Variants in TRHR observed in about 807,000 individuals in gnomAD.
The protein encoded by TRHR is thyrotropin releasing hormone receptor, also known as thyrotropin-releasing hormone receptor.
In TRHR, 14 loss-of-function variants were observed where a neutral mutation model predicts 28.0. The observed-to-expected ratio is 0.50, with a 90% CI of 0.33 to 0.78. The LOEUF (loss-of-function observed/expected upper bound fraction) is 0.78, where lower values mean the gene tolerates loss of function less well. Ranked by LOEUF, TRHR falls within the 30% of genes least tolerant of loss-of-function variation. The pLI, the probability that TRHR is intolerant of heterozygous loss-of-function variation, is 0.02. For synonymous variants in TRHR, 176 were observed against 171.9 expected, an observed-to-expected ratio of 1.02 and a Z score of -0.18; for missense variants, 438 against 469.5, an observed-to-expected ratio of 0.93 and a Z score of 0.62.
chr8:109,093,625 C>T (rs893975766), intron 2 of TRHR, among the ~76,000 whole-genome samples: 2 of 151,656 alleles, frequency 1.3e-5, no homozygotes, highest in African/African-American at 4.8e-5. Flanking sequence ...AGGATAGTCT[C>T]GATCTCCTGA....
At chr8:109,096,325 C>T (rs979093283) in intron 2 of TRHR, among the ~76,000 whole-genome samples, 6 of 152,202 alleles carry the variant, frequency 3.9e-5, no homozygotes, top group Non-Finnish European at 8.8e-5. Flanking sequence ...CTGAATTTCT[C>T]AGGTAGATTT....
chr8:109,100,284 AC>A (rs1811658562), intron 2 of TRHR, among the ~76,000 whole-genome samples: 1 of 152,190 alleles, frequency 6.6e-6, no homozygotes, highest in South Asian at 2.1e-4. Flanking sequence ...GAAATATTTA[AC>A]TAGAGATTAT....
chr8:109,105,570 TA>T (rs892945688), intron 2 of TRHR, among the ~76,000 whole-genome samples: 1 of 151,976 alleles, frequency 6.6e-6, no homozygotes, highest in East Asian at 1.9e-4. Context: ...AAACATGGAA[TA>T]AAAAACAAAT....
At chr8:109,110,864 A>G (rs1272163803) in intron 2 of TRHR, among the ~76,000 whole-genome samples, 1 of 152,086 alleles carries the variant, frequency 6.6e-6, no homozygotes, top group African/African-American at 2.4e-5. Flanking sequence ...TCTTTTAAAA[A>G]CTGAATGTCA....
At chr8:109,115,897 G>A (rs1229310094) in intron 2 of TRHR, among the ~76,000 whole-genome samples, 3 of 152,084 alleles carry the variant, frequency 2.0e-5, no homozygotes, top group Admixed American at 6.6e-5. Flanking sequence ...TTTTCAGAGG[G>A]AATGCTTCCA....
intron 2 of TRHR, among the ~76,000 whole-genome samples, chr8:109,099,042 G>C (rs576600200): frequency 2.8e-4 from 43 of 152,184 alleles, no homozygotes; most frequent in Non-Finnish European, 5.0e-4. Flanking sequence ...AGTAAAGCCT[G>C]GATATACAGG....
In TRHR at chr8:109,119,543, G is replaced by A; in HGVS notation, c.*88G>A. On this transcript the variant is annotated 3_prime_UTR_variant, in exon 3 of 3. Transcript: ENST00000518632. ...GGGAGAACATGGCCAATAGTCATAT[G>A]TGAAGACAGAGCAGATCAGTCTTTG... is the stretch of plus-strand genomic sequence containing the variant. 6.7e-7 allele frequency: 1 copy of A among 1,485,212 alleles called. No homozygotes were observed. The highest frequency in any genetic ancestry group is 9.2e-7 in the Non-Finnish European group (1 of 1,083,458). 92.0% of individuals were successfully genotyped at this position (1,485,212 alleles called of 1,614,324 possible).
chr8:109,087,823 T>C lies in TRHR; in HGVS notation c.311T>C (p.Leu104Pro). Residue 104 changes from leucine (L) to proline (P), a missense_variant, in exon 2 of 3, where the codon CTC (leucine) becomes CCC (proline). By Grantham distance (98) the Leu-to-Pro change is moderately conservative (BLOSUM62 -3). Coordinates refer to ENST00000518632, the MANE Select transcript of TRHR (RefSeq NM_003301.7). The stretch of plus-strand genomic sequence containing the variant: ...GTTGGATGCCTCTGCATTACTTACC[T>C]CCAGTATTTGGGAATTAATGCATCC... ...GYVGCLCITY[L>P]QYLGINASSC... The C allele has an allele frequency of 6.2e-7, 1 of 1,614,140 alleles. No homozygotes were observed. The highest frequency in any genetic ancestry group is 8.5e-7 in the Non-Finnish European group (1 of 1,180,030).
chr8:109,093,757 A>G (rs1041616138), intron 2 of TRHR, among the ~76,000 whole-genome samples: 4 of 151,782 alleles, frequency 2.6e-5, no homozygotes, highest in African/African-American at 9.7e-5. Context: ...GTTTAATTAA[A>G]TTTGGGGAAG....
chr8:109,092,801 T>A (rs1811535655), intron 2 of TRHR, among the ~76,000 whole-genome samples: 1 of 151,452 alleles, frequency 6.6e-6, no homozygotes, highest in South Asian at 2.1e-4. Context: ...ACAATGATGC[T>A]ATAAAAGCAG....
chr8:109,091,981 A>G (rs1298612022), intron 2 of TRHR, among the ~76,000 whole-genome samples: 1 of 152,220 alleles, frequency 6.6e-6, no homozygotes, highest in Non-Finnish European at 1.5e-5. Flanking sequence ...ATGTAGATAC[A>G]ATATCTCTAT....
In TRHR at chr8:109,086,679, T is replaced by G. The variant is rs1405171154; in HGVS notation, c.-293T>G. 1 of 153,862 alleles carries G rather than the reference T, an allele frequency of 6.5e-6. No individual in the cohort carries two copies. The highest frequency in any genetic ancestry group is 1.4e-5 in the Non-Finnish European group (1 of 69,342). The allele number at this position is 153,862 out of a possible 1,614,324, so 9.5% of individuals were successfully genotyped here. A position where few individuals can be genotyped will look rare whatever the true frequency, so the allele number is the denominator to read the frequency against. On this transcript the variant is annotated 5_prime_UTR_variant, in exon 1 of 3. Transcript: ENST00000518632. Reference sequence around the variant, plus strand: ...GCCTCACTGCTGCTGCTCCTGCTGCTGCTTCTGCTTCTGCCGCGGCTGTAT... The same window carrying G: ...GCCTCACTGCTGCTGCTCCTGCTGCGGCTTCTGCTTCTGCCGCGGCTGTAT...
intron 2 of TRHR, among the ~76,000 whole-genome samples, 163 bp from the exon 3 acceptor site, chr8:109,118,885 C>T (rs1237349635): frequency 6.6e-6 from 1 of 151,786 alleles, no homozygotes; most frequent in African/African-American, 2.4e-5. Context: ...AATTGATAAC[C>T]CTTAATCCTG....
chr8:109,098,603 T>C (rs896882027), intron 2 of TRHR, among the ~76,000 whole-genome samples: 2 of 152,150 alleles, frequency 1.3e-5, no homozygotes, highest in African/African-American at 4.8e-5. Flanking sequence ...TACTAGGACA[T>C]TTATGATCTG....
At chr8:109,118,536 C>T (rs962808020) in intron 2 of TRHR, among the ~76,000 whole-genome samples, 9 of 151,794 alleles carry the variant, frequency 5.9e-5, no homozygotes, top group African/African-American at 2.2e-4. Context: ...CATTCTCTTA[C>T]AAGACTCTGA....
intron 2 of TRHR, among the ~76,000 whole-genome samples, chr8:109,116,816 G>T (rs751811865): frequency 6.6e-6 from 1 of 151,966 alleles, no homozygotes; most frequent in Admixed American, 6.6e-5. Flanking sequence ...GTAGGGAAAT[G>T]AAGAAATTTT....
chr8:109,097,470 G>A (rs1480809992), intron 2 of TRHR, among the ~76,000 whole-genome samples: 1 of 151,894 alleles, frequency 6.6e-6, no homozygotes, highest in Non-Finnish European at 1.5e-5. Context: ...TTTTATACCA[G>A]GTATTGTCTA....
At chr8:109,101,197 G>GA (rs1406742693) in intron 2 of TRHR, among the ~76,000 whole-genome samples, 1 of 152,150 alleles carries the variant, frequency 6.6e-6, no homozygotes, top group Non-Finnish European at 1.5e-5. Flanking sequence ...GGCAAGATAC[G>GA]AATCAATCTG....
chr8:109,115,707 C>T (rs1340202950), intron 2 of TRHR, among the ~76,000 whole-genome samples: 1 of 152,152 alleles, frequency 6.6e-6, no homozygotes, highest in Non-Finnish European at 1.5e-5. Context: ...AGATTTTGGG[C>T]TGAGACGATG....
Sources: allele counts gnomAD v4.1 joint callset (sites outside exome capture counted in the v4.1 genomes callset), GRCh38; gene constraint gnomAD v4.1.1; transcripts MANE v1.5; gene names NCBI Gene and HGNC (gene_info 2026-07-23, HGNC 2026-07-21).